The following NEK1 variants were observed in gnomAD, a reference collection of about 807,000 sequenced individuals.
The protein encoded by NEK1 is NIMA related kinase 1, also known as serine/threonine-protein kinase Nek1.
NEK1 carries 137 observed loss-of-function variants against 182.1 expected under a neutral mutation model. The ratio of observed to expected loss-of-function variants is 0.75; its 90% CI spans 0.65 to 0.87. The LOEUF (loss-of-function observed/expected upper bound fraction) is 0.87, where lower values mean the gene tolerates loss of function less well. NEK1 is among the 40% of genes least tolerant of loss of function. The pLI, the probability that NEK1 is intolerant of heterozygous loss-of-function variation, is 0.00. For missense variants in NEK1, 1,391 were observed against 1,494.4 expected (o/e 0.93, Z 1.14); for synonymous variants, 513 against 492.2 (o/e 1.04, Z -0.56).
In NEK1 at chr4:169,493,152, C is replaced by G. The variant is rs534332620; in HGVS notation, c.2008-13618G>C. On this transcript the variant is annotated intron_variant, in intron 23 of 35. Coordinates refer to ENST00000507142, the MANE Select transcript of NEK1 (RefSeq NM_001199397.3). ...AAGCAAAAACTACAAAAAACAGCAT[C>G]TGAGAAAGCCACCACACAAACCTAC... Among the ~76,000 whole-genome samples, 7 of 152,286 alleles carry G rather than the reference C, an allele frequency of 4.6e-5. No individual in the cohort carries two copies. In the East Asian group the frequency reaches 9.7e-4, roughly 21 times the overall value.
intron 23 of NEK1, among the ~76,000 whole-genome samples, chr4:169,504,854 A>G (rs1752973930): frequency 6.6e-6 from 1 of 152,192 alleles, no homozygotes; most frequent in Non-Finnish European, 1.5e-5. Flanking sequence ...TTGTACCTTT[A>G]AAAATAACTA....
In NEK1 at chr4:169,406,730, T is replaced by C. The variant is rs772027178; in HGVS notation, c.3240A>G (p.Ser1080=). ...ANNPKMLRTC[S]LPDLSKLFRT... ...TGAACAGCTTTGAGAGATCTGGAAG[T>C]GAACATGTCCTTAACATCTAAAATA... Residue 1080 remains serine, a synonymous_variant, in exon 32 of 36, where the codon TCA becomes TCG. Coordinates refer to ENST00000507142, the MANE Select transcript of NEK1 (RefSeq NM_001199397.3). The C allele has an allele frequency of 1.2e-5, 19 of 1,594,808 alleles. No homozygotes were observed. Among genetic ancestry groups the C allele is most frequent in the Admixed American group, 1.8e-5 (1 of 56,342 alleles).
At chr4:169,483,197 T>G (rs1026296778) in intron 23 of NEK1, among the ~76,000 whole-genome samples, 1 of 152,202 alleles carries the variant, frequency 6.6e-6, no homozygotes, top group Non-Finnish European at 1.5e-5. Context: ...GAACTACCAG[T>G]CAGTGGAGCA....
intron 23 of NEK1, among the ~76,000 whole-genome samples, chr4:169,485,390 CTTAA>C (rs1183857640): frequency 1.3e-5 from 2 of 152,114 alleles, no homozygotes; most frequent in Non-Finnish European, 2.9e-5. Context: ...ATGTCATACA[CTTAA>C]GTAACTTATT....
At chr4:169,413,214 C>T (rs960910279) in intron 31 of NEK1, among the ~76,000 whole-genome samples, 2 of 150,328 alleles carry the variant, frequency 1.3e-5, no homozygotes, top group African/African-American at 4.9e-5. Context: ...GTCATCCAGG[C>T]TGGAGCGTGA....
chr4:169,441,065 G>A (rs1739356558), intron 27 of NEK1, among the ~76,000 whole-genome samples: 1 of 152,150 alleles, frequency 6.6e-6, no homozygotes, highest in Non-Finnish European at 1.5e-5. Flanking sequence ...GTGCAGCCAG[G>A]TCCCTAGTCC....
intron 19 of NEK1, among the ~76,000 whole-genome samples, chr4:169,522,461 G>C (rs1299642956): frequency 6.6e-6 from 1 of 152,198 alleles, no homozygotes; most frequent in African/African-American, 2.4e-5. Context: ...TCATAGTCCT[G>C]CTTAATCTAT....
At chr4:169,446,253 GA>G (rs1740543444) in intron 27 of NEK1, among the ~76,000 whole-genome samples, 1 of 151,854 alleles carries the variant, frequency 6.6e-6, no homozygotes, top group Non-Finnish European at 1.5e-5. Flanking sequence ...TTGGCGTTTT[GA>G]AAAGATAAAC....
chr4:169,514,738 T>A (rs970730600), intron 19 of NEK1, among the ~76,000 whole-genome samples: 1 of 152,222 alleles, frequency 6.6e-6, no homozygotes, highest in African/African-American at 2.4e-5. Context: ...GCGTCTTTTT[T>A]ATCTTTGTCA....
At chr4:169,476,500 T>C (rs933651765) in intron 26 of NEK1, among the ~76,000 whole-genome samples, 2 of 152,102 alleles carry the variant, frequency 1.3e-5, no homozygotes, top group African/African-American at 4.8e-5. Flanking sequence ...AAATAAATGC[T>C]ATCAAGTCTT....
intron 18 of NEK1, among the ~76,000 whole-genome samples, chr4:169,544,923 A>G (rs959396623): frequency 1.3e-5 from 2 of 151,746 alleles, no homozygotes; most frequent in Non-Finnish European, 2.9e-5. Flanking sequence ...ATCTTTAAAA[A>G]AAAACCAGCT....
chr4:169,463,492 C>A, intron 26 of NEK1, 97 bp from the exon 27 acceptor site: 1 of 786,166 alleles, frequency 1.3e-6, no homozygotes, highest in South Asian at 3.8e-5. Context: ...TTGAGTGGTT[C>A]ATGAGAAAAA....
chr4:169,409,135 T>C (rs1268643075), intron 31 of NEK1, among the ~76,000 whole-genome samples: 1 of 152,088 alleles, frequency 6.6e-6, no homozygotes, highest in Non-Finnish European at 1.5e-5. Context: ...CCAACATCTA[T>C]TGTTTTACTT....
intron 19 of NEK1, among the ~76,000 whole-genome samples, chr4:169,537,092 A>G (rs1353942075): frequency 6.6e-6 from 1 of 152,208 alleles, no homozygotes; most frequent in African/African-American, 2.4e-5. Context: ...CCTATTTCTT[A>G]TATGAGTGTG....
At chr4:169,557,004 G>T (rs1222880413) in intron 16 of NEK1, among the ~76,000 whole-genome samples, 2 of 152,176 alleles carry the variant, frequency 1.3e-5, no homozygotes, top group Admixed American at 6.5e-5. Flanking sequence ...AATGCTATCT[G>T]CCCTTGGTGT....
At chr4:169,567,285 T>C (rs1039634340) in intron 12 of NEK1, among the ~76,000 whole-genome samples, 19 of 152,322 alleles carry the variant, frequency 1.2e-4, no homozygotes, top group African/African-American at 4.3e-4. Context: ...GTTTTTTTCA[T>C]TGTGGTAAAA....
chr4:169,507,935 C>A, intron 21 of NEK1, 143 bp from the exon 22 acceptor site: 1 of 685,694 alleles, frequency 1.5e-6, no homozygotes, highest in Non-Finnish European at 2.4e-6. Flanking sequence ...TCTCCTAAAG[C>A]TGCAACTGAA....
intron 9 of NEK1, among the ~76,000 whole-genome samples, chr4:169,586,110 A>T (rs1214158756): frequency 1.3e-5 from 2 of 152,156 alleles, no homozygotes; most frequent in Admixed American, 6.5e-5. Context: ...TATATGTCAG[A>T]ATTAAACACA....
intron 10 of NEK1, among the ~76,000 whole-genome samples, chr4:169,583,424 AGAAT>A (rs1215076281): frequency 2.0e-5 from 3 of 152,258 alleles, no homozygotes; most frequent in African/African-American, 7.2e-5. Flanking sequence ...GTTTTCATGA[AGAAT>A]GAAATCTAAG....
Sources: allele counts gnomAD v4.1 joint callset (sites outside exome capture counted in the v4.1 genomes callset), GRCh38; gene constraint gnomAD v4.1.1; transcripts MANE v1.5; gene names NCBI Gene and HGNC (gene_info 2026-07-23, HGNC 2026-07-21).